Variants in WNK2 observed in about 807,000 individuals in gnomAD.
WNK2 encodes the protein serine/threonine-protein kinase WNK2.
A neutral mutation model predicts 192.1 loss-of-function variants in WNK2; 67 were observed. That is an observed-to-expected ratio of 0.35 (90% CI 0.29 to 0.43). The LOEUF (loss-of-function observed/expected upper bound fraction) is 0.43, where lower values mean the gene tolerates loss of function less well. Ranked by LOEUF, WNK2 falls within the 20% of genes least tolerant of loss-of-function variation. WNK2 has a pLI of 1.00. For missense variants in WNK2, 2,698 were observed against 3,089.7 expected (o/e 0.87, Z 3.01); for synonymous variants, 1,439 against 1,393.9 (o/e 1.03, Z -0.72).
rs540157901 is a variant in WNK2, at chr9:93,311,871, C to T, written c.6516+3287C>T. On this transcript the variant is annotated intron_variant, in intron 28 of 29. Coordinates refer to ENST00000427277, the MANE Select transcript of WNK2 (RefSeq NM_006648.4). Reference sequence around the variant, plus strand: ...CTGACCTCAAGTGATCCACCCGCCTCGGCCTCCCAAAGTGCTGGGATTACA... The same window carrying T: ...CTGACCTCAAGTGATCCACCCGCCTTGGCCTCCCAAAGTGCTGGGATTACA... 4.1e-5 allele frequency among the ~76,000 whole-genome samples: 6 copies of T among 146,348 alleles called. No homozygotes were observed. The South Asian group carries it at 8.6e-4, about 21-fold the overall frequency.
At chr9:93,302,722 G>T (rs1190434310) in intron 26 of WNK2, among the ~76,000 whole-genome samples, 1 of 152,152 alleles carries the variant, frequency 6.6e-6, no homozygotes, top group Non-Finnish European at 1.5e-5. Context: ...GGCCCGAGCT[G>T]ACTCAAGGTG....
Position 93,288,980 on chromosome 9 carries a change from C to T in WNK2, c.4226C>T (p.Pro1409Leu), listed in dbSNP as rs146475760. 44 of 1,602,812 alleles carry T rather than the reference C, an allele frequency of 2.7e-5. No individual in the cohort carries two copies. In the Admixed American group the frequency reaches 7.3e-4, roughly 27 times the overall value. The change falls in exon 20 of 30, where the codon CCA becomes CTA. Residue 1409 changes from proline to leucine, a missense_variant. Physicochemically the swap from Pro to Leu is moderately conservative, Grantham distance 98. This residue lies in a region of WNK2 where 1,098 missense variants were observed against 1,101.0 expected (regional missense o/e 1.00). Coordinates refer to ENST00000427277, the MANE Select transcript of WNK2 (RefSeq NM_006648.4). ...AAPATSTMPE[P>L]ASGTASQAGG... ...CCAGCCACCAGCACCATGCCAGAGC[C>T]AGCGTCAGGAACTGCCAGCCAGGCA...
rs1842811692 is a variant in WNK2 at position 93,253,080 on chromosome 9, G to A, written c.2032G>A (p.Ala678Thr). Reference protein sequence around the residue: ...SLGAYQQPTAAPGLPVGSVPA... With the variant: ...SLGAYQQPTATPGLPVGSVPA... ...GGGGGCCTACCAGCAGCCCACGGCT[G>A]CAGTGAGTCAGAGCATCACTCCCAC... The change falls in exon 9 of 30, where the codon GCA becomes ACA. Residue 678 changes from alanine (A) to threonine (T), a missense_variant and splice_region_variant. This residue lies in a region of WNK2 where 893 missense variants were observed against 909.0 expected (regional missense o/e 0.98). Coordinates refer to ENST00000427277, the MANE Select transcript of WNK2 (RefSeq NM_006648.4). 1 of 1,458,888 alleles carries A rather than the reference G, an allele frequency of 6.9e-7. No individual in the cohort carries two copies. Among genetic ancestry groups the A allele is most frequent in the Non-Finnish European group, 9.0e-7 (1 of 1,105,298 alleles). 90.4% of individuals were successfully genotyped at this position (1,458,888 alleles called of 1,614,324 possible).
chr9:93,291,967 G>A (rs1445489177), intron 21 of WNK2, among the ~76,000 whole-genome samples: 2 of 152,212 alleles, frequency 1.3e-5, no homozygotes, highest in Middle Eastern at 3.2e-3. Flanking sequence ...CACATCAGAC[G>A]ATGGGATGAG....
intron 19 of WNK2, among the ~76,000 whole-genome samples, chr9:93,277,194 T>C (rs1847060407): frequency 6.6e-6 from 1 of 152,192 alleles, no homozygotes; most frequent in African/African-American, 2.4e-5. Context: ...ACTGCACACC[T>C]GTTAGAATGA....
At chr9:93,202,678 A>G (rs983315305) in intron 2 of WNK2, among the ~76,000 whole-genome samples, 1 of 151,766 alleles carries the variant, frequency 6.6e-6, no homozygotes, top group Non-Finnish European at 1.5e-5. Flanking sequence ...TGGGGGCCGA[A>G]TCAGGAGGGT....
At chr9:93,317,981 G>A (rs549625752) in intron 29 of WNK2, 269 of 1,612,702 alleles carry the variant, frequency 1.7e-4, no homozygotes, top group Non-Finnish European at 2.0e-4. Context: ...CAGCGGGTGG[G>A]CAGCAAGACT....
chr9:93,298,030 C>A lies in WNK2; in HGVS notation c.5886C>A (p.Pro1962=). 1 of 1,553,084 alleles carries A rather than the reference C, an allele frequency of 6.4e-7. No individual in the cohort carries two copies. The highest frequency in any genetic ancestry group is 8.7e-7 in the Non-Finnish European group (1 of 1,148,838). Residue 1962 remains proline, a synonymous_variant, in exon 24 of 30, where the codon CCC becomes CCA. Coordinates refer to ENST00000427277, the MANE Select transcript of WNK2 (RefSeq NM_006648.4). Reference sequence around the variant, plus strand: ...TGAAGGCAGGCAAGCTGCTAAATCCCCTGGTGCGGCAGCTCAAGGTCGTGG... The same window carrying A: ...TGAAGGCAGGCAAGCTGCTAAATCCACTGGTGCGGCAGCTCAAGGTCGTGG... ...SKLKAGKLLN[P]LVRQLKVVAS... is the part of the protein sequence containing the mutation.
chr9:93,314,506 A>T (rs1854263967), intron 28 of WNK2, among the ~76,000 whole-genome samples: 1 of 152,142 alleles, frequency 6.6e-6, no homozygotes, highest in Non-Finnish European at 1.5e-5. Context: ...ACTAAAGAAG[A>T]AATACACGCT....
At chr9:93,246,373 T>A (rs1203774597) in intron 7 of WNK2, among the ~76,000 whole-genome samples, 1 of 152,200 alleles carries the variant, frequency 6.6e-6, no homozygotes. Context: ...TGGGTGTTGT[T>A]GCTCCCAGGC....
chr9:93,238,258 A>C lies in WNK2; in HGVS notation c.1259A>C (p.Lys420Thr), dbSNP rs1420428906. ...GGTATCAAGCCGGCCAGCTTTGAGA[A>C]AGTGCACGATCCTGAAATCAAGGAG... ...TCGIKPASFE[K>T]VHDPEIKEII... The change falls in exon 6 of 30, where the codon AAA becomes ACA. Residue 420 changes from lysine to threonine, a missense_variant. Around this residue, in one of 7 missense-constraint regions of WNK2, gnomAD observed 230 missense variants for 501.1 expected, o/e 0.46. Coordinates refer to ENST00000427277, the MANE Select transcript of WNK2 (RefSeq NM_006648.4). 1 of 1,614,012 alleles carries C rather than the reference A, an allele frequency of 6.2e-7. No individual in the cohort carries two copies. Among genetic ancestry groups the C allele is most frequent in the Non-Finnish European group, 8.5e-7 (1 of 1,179,888 alleles).
intron 2 of WNK2, among the ~76,000 whole-genome samples, chr9:93,212,891 T>C (rs1024242601): frequency 2.0e-5 from 3 of 152,202 alleles, no homozygotes; most frequent in Non-Finnish European, 2.9e-5. Flanking sequence ...TGTGTTGGGA[T>C]GCTTGGACTC....
intron 7 of WNK2, among the ~76,000 whole-genome samples, chr9:93,246,571 G>A (rs189664714): frequency 2.3e-4 from 35 of 152,346 alleles, no homozygotes; most frequent in Middle Eastern, 6.8e-3. Flanking sequence ...CACCTGAGGA[G>A]CCTGGCGTCC....
intron 14 of WNK2, chr9:93,263,130 C>A: frequency 2.6e-6 from 1 of 380,220 alleles, no homozygotes; most frequent in Non-Finnish European, 4.8e-6. Flanking sequence ...AGGAAATGAA[C>A]CGTGTCCTTA....
chr9:93,250,378 T>C (rs925620453), intron 8 of WNK2, among the ~76,000 whole-genome samples: 6 of 152,252 alleles, frequency 3.9e-5, no homozygotes, highest in Admixed American at 3.3e-4. Context: ...CATGTCTGCA[T>C]TCATACATGA....
At chr9:93,202,098 C>A (rs965536376) in intron 2 of WNK2, among the ~76,000 whole-genome samples, 2 of 152,184 alleles carry the variant, frequency 1.3e-5, no homozygotes, top group Admixed American at 6.5e-5. Context: ...TTCCTGGCCT[C>A]CAGGTAGGCT....
At chr9:93,277,916 A>T (rs1847183168) in intron 19 of WNK2, among the ~76,000 whole-genome samples, 1 of 152,262 alleles carries the variant, frequency 6.6e-6, no homozygotes, top group African/African-American at 2.4e-5. Flanking sequence ...ATAGCATAAA[A>T]GAGAAGCAGC....
intron 26 of WNK2, among the ~76,000 whole-genome samples, chr9:93,302,076 T>A (rs1425000817): frequency 6.6e-6 from 1 of 152,196 alleles, no homozygotes; most frequent in Non-Finnish European, 1.5e-5. Context: ...CTGTGGAGGC[T>A]GGACTTCTTG....
chr9:93,290,396 C>T (rs1401208697), intron 21 of WNK2, among the ~76,000 whole-genome samples: 1 of 151,826 alleles, frequency 6.6e-6, no homozygotes, highest in Non-Finnish European at 1.5e-5. Context: ...ATGTGTGACC[C>T]AAGACAATTC....
Sources: allele counts gnomAD v4.1 joint callset (sites outside exome capture counted in the v4.1 genomes callset), GRCh38; gene constraint gnomAD v4.1.1; regional missense constraint gnomAD v4.1.1; transcripts MANE v1.5; gene names NCBI Gene and HGNC (gene_info 2026-07-23, HGNC 2026-07-21).